Variants in KIF27 observed in about 807,000 individuals in gnomAD.
The protein encoded by KIF27 is kinesin family member 27.
A neutral mutation model predicts 141.8 loss-of-function variants in KIF27; 84 were observed. The observed-to-expected ratio is 0.59, with a 90% confidence interval of 0.50 to 0.71. The LOEUF is 0.71. KIF27 is among the 30% of genes least tolerant of loss of function. The pLI, the probability that KIF27 is intolerant of heterozygous loss-of-function variation, is 0.00. For missense variants in KIF27, 1,306 were observed against 1,628.4 expected (o/e 0.80, Z 3.41); for synonymous variants, 471 against 569.5 (o/e 0.83, Z 2.46).
chr9:83,905,933 C>T (rs1441452994), intron 3 of KIF27, among the ~76,000 whole-genome samples: 1 of 152,196 alleles, frequency 6.6e-6, no homozygotes, highest in African/African-American at 2.4e-5. Context: ...TTATGTAAGA[C>T]ATACTGTAAT....
chr9:83,878,161 C>CAA (rs58897060), intron 11 of KIF27, among the ~76,000 whole-genome samples: 959 of 38,436 alleles, frequency 0.025, 192 homozygotes, highest in Non-Finnish European at 0.04. Context: ...GACTCTGTCT[C>CAA]AAAAAAAAAA....
chr9:83,906,602 C>G (rs186647149), intron 3 of KIF27, among the ~76,000 whole-genome samples: 2 of 151,792 alleles, frequency 1.3e-5, no homozygotes, highest in African/African-American at 4.8e-5. Context: ...ATTAGCCAGG[C>G]GTGGTGGCGG....
At position 83,908,602 on chromosome 9, in the gene KIF27, T is replaced by C; in HGVS notation, c.349A>G (p.Ile117Val). 1 of 1,612,884 alleles carries C rather than the reference T, an allele frequency of 6.2e-7. No individual in the cohort carries two copies. The highest frequency in any genetic ancestry group is 8.5e-7 in the Non-Finnish European group (1 of 1,179,288). ...GGATGTTCAGAGATGCTTTGAAATA[T>C]TTCTTGAATAGCTCGAGGAATGATA... ...KGIIPRAIQE[I>V]FQSISEHPSI... is the part of the protein sequence containing the mutation. Residue 117 changes from isoleucine to valine, a missense_variant, in exon 3 of 18, where the codon ATA (isoleucine) becomes GTA (valine). This residue lies in a region of KIF27 where 533 missense variants were observed against 565.6 expected (regional missense o/e 0.94). Transcript: ENST00000297814.
At chr9:83,848,186 ATATATAT>A (rs1947795432) in intron 16 of KIF27, among the ~76,000 whole-genome samples, 2 of 29,678 alleles carry the variant, frequency 6.7e-5, no homozygotes, top group Non-Finnish European at 1.2e-4. Context: ...ATCATATATG[ATATATAT>A]GATATATCAG....
intron 13 of KIF27, among the ~76,000 whole-genome samples, chr9:83,864,009 G>A (rs1258282243): frequency 6.6e-6 from 1 of 152,106 alleles, no homozygotes; most frequent in Admixed American, 6.5e-5. Flanking sequence ...ATTTCTGTGG[G>A]ATCGGTGGTG....
chr9:83,838,455 G>A (rs1351036560), intron 17 of KIF27, among the ~76,000 whole-genome samples: 2 of 152,056 alleles, frequency 1.3e-5, no homozygotes, highest in South Asian at 2.1e-4. Context: ...GGATGGTCTC[G>A]ATCTCCTGAC....
intron 14 of KIF27, among the ~76,000 whole-genome samples, chr9:83,856,621 G>C (rs1368987753): frequency 6.6e-6 from 1 of 151,758 alleles, no homozygotes; most frequent in Admixed American, 6.6e-5. Flanking sequence ...CTTGCCTGCA[G>C]TGCCAGCTAC....
intron 2 of KIF27, among the ~76,000 whole-genome samples, chr9:83,913,584 G>C (rs1955401361): frequency 1.3e-5 from 2 of 152,124 alleles, no homozygotes; most frequent in African/African-American, 4.8e-5. Flanking sequence ...TTAGAGGCAT[G>C]TGCCACGACG....
intron 5 of KIF27, among the ~76,000 whole-genome samples, chr9:83,893,208 G>A (rs1026502019): frequency 1.9e-4 from 29 of 152,196 alleles, no homozygotes; most frequent in African/African-American, 6.5e-4. Flanking sequence ...CTGTGCCCCA[G>A]CCTGGGTGAC....
intron 3 of KIF27, among the ~76,000 whole-genome samples, chr9:83,904,359 G>A (rs1176663376): frequency 6.6e-6 from 1 of 151,532 alleles, no homozygotes; most frequent in Non-Finnish European, 1.5e-5. Flanking sequence ...GATTTGTAAA[G>A]CCTAATAGAT....
intron 12 of KIF27, among the ~76,000 whole-genome samples, chr9:83,869,757 G>A (rs1251147281): frequency 6.6e-6 from 1 of 152,024 alleles, no homozygotes; most frequent in Non-Finnish European, 1.5e-5. Flanking sequence ...GTCTTCATGA[G>A]ATGGGAATAA....
intron 3 of KIF27, 133 bp downstream of exon 3, chr9:83,908,319 A>C (rs1954780534): frequency 1.9e-6 from 1 of 540,344 alleles, no homozygotes; most frequent in Non-Finnish European, 3.2e-6. Context: ...GTTCAATTTA[A>C]AAGTAAAAAT....
chr9:83,856,906 CAAA>C (rs573136318), intron 14 of KIF27, among the ~76,000 whole-genome samples: 4 of 76,268 alleles, frequency 5.2e-5, no homozygotes, highest in Non-Finnish European at 5.6e-5. Context: ...GACTCCATCT[CAAA>C]AAAAAAAAAA....
rs182586774 is a variant in KIF27, at chr9:83,845,696, C to G, written c.3557-3295G>C. On this transcript the variant is annotated intron_variant, in intron 16 of 17. Transcript: ENST00000297814. ...GTGGGCAGAACTTTGAACAGTGCACCTGGTTGTGCACTTTGCATGGAAGGA... is the reference window on the plus strand; with the variant it reads ...GTGGGCAGAACTTTGAACAGTGCACGTGGTTGTGCACTTTGCATGGAAGGA... Among the ~76,000 whole-genome samples the G allele has an allele frequency of 1.1e-3, 165 of 152,310 alleles. 1 individual carries two copies. The highest frequency in any genetic ancestry group is 3.9e-3 in the African/African-American group (163 of 41,558).
intron 13 of KIF27, chr9:83,860,216 T>C (rs577244085): frequency 6.6e-6 from 1 of 152,334 alleles, no homozygotes; most frequent in African/African-American, 2.4e-5. Context: ...TAAGGTTTAT[T>C]ATAGAGACAC....
At chr9:83,863,113 A>C (rs1306777738) in intron 13 of KIF27, among the ~76,000 whole-genome samples, 1 of 152,156 alleles carries the variant, frequency 6.6e-6, no homozygotes, top group Admixed American at 6.5e-5. Flanking sequence ...CAATCATGTC[A>C]TTTGCAAACA....
At chr9:83,917,989 T>A (rs1032534270) in intron 1 of KIF27, among the ~76,000 whole-genome samples, 1 of 152,164 alleles carries the variant, frequency 6.6e-6, no homozygotes, top group African/African-American at 2.4e-5. Flanking sequence ...ACCCCATAAA[T>A]ATGTACAATG....
intron 11 of KIF27, among the ~76,000 whole-genome samples, chr9:83,872,251 G>GAT (rs1245913547): frequency 1.2e-4 from 18 of 152,256 alleles, no homozygotes; most frequent in Non-Finnish European, 2.5e-4. Context: ...GAGAGGCAGA[G>GAT]TACGGTGAGC....
At chr9:83,915,034 T>C (rs1007988925) in intron 2 of KIF27, among the ~76,000 whole-genome samples, 2 of 152,206 alleles carry the variant, frequency 1.3e-5, no homozygotes, top group Non-Finnish European at 2.9e-5. Context: ...CTGTTCAAAA[T>C]AACAAGGGCT....
Sources: gnomAD v4.1 joint callset for allele counts (sites outside exome capture counted in the v4.1 genomes callset) on GRCh38, gnomAD v4.1.1 for gene constraint, gnomAD v4.1.1 regional missense constraint, MANE v1.5 for transcripts, NCBI Gene and HGNC (gene_info 2026-07-23, HGNC 2026-07-21) for gene names.